PLEKHG3: variants seen among roughly 807,000 people sequenced by gnomAD.
The protein encoded by PLEKHG3 is pleckstrin homology domain-containing family G member 3.
Under a neutral mutation model 94.9 loss-of-function variants are expected in PLEKHG3, and 62 were observed. The ratio of observed to expected loss-of-function variants is 0.65; its 90% CI spans 0.53 to 0.81. The LOEUF is 0.81. Among genes scored for constraint, PLEKHG3 ranks in the 30% least tolerant of loss-of-function variants. PLEKHG3 has a pLI of 0.00. For synonymous variants in PLEKHG3, 614 were observed against 654.0 expected (o/e 0.94, Z 0.93); for missense variants, 1,461 against 1,619.3 (o/e 0.90, Z 1.68).
intron 1 of PLEKHG3, among the ~76,000 whole-genome samples, chr14:64,708,216 A>T (rs1039784955): frequency 1.3e-5 from 2 of 152,126 alleles, no homozygotes; most frequent in African/African-American, 4.8e-5. Flanking sequence ...CCCCCATCCT[A>T]CAGATAGGAT....
At position 64,738,160 on chromosome 14, in the gene PLEKHG3, T is replaced by C. The variant is rs1388467229; in HGVS notation, c.1405-582T>C. 1 of 1,293,458 alleles carries C rather than the reference T, an allele frequency of 7.7e-7. No individual in the cohort carries two copies. Among genetic ancestry groups the C allele is most frequent in the East Asian group, 5.4e-5 (1 of 18,562 alleles). The allele number at this position is 1,293,458 out of a possible 1,614,324, so 80.1% of individuals were successfully genotyped here. ...CAGGTAGCCGACTTTGCCAGCTCCC[T>C]GCTGGCCGCCCTCCACTGCTGGCAC... On this transcript the variant is annotated intron_variant, in intron 14 of 16. Transcript: ENST00000247226. This position sits in a 1 kb window ranked among gnomAD's most constrained non-coding sequence, Gnocchi z 4.8.
chr14:64,709,635 T>G (rs974492360), intron 1 of PLEKHG3, among the ~76,000 whole-genome samples: 5 of 152,066 alleles, frequency 3.3e-5, no homozygotes, highest in Non-Finnish European at 7.4e-5. Context: ...GAAGTCGATT[T>G]TACCTTGGGA....
At position 64,732,365 on chromosome 14, in the gene PLEKHG3, TA is replaced by T. The variant is rs1418541709; in HGVS notation, c.1213-61del. The T allele has an allele frequency of 2.7e-6, 4 of 1,491,408 alleles. No individual in the cohort carries two copies. The highest frequency in any genetic ancestry group is 3.7e-6 in the Non-Finnish European group (4 of 1,068,400). 92.4% of individuals were successfully genotyped at this position (1,491,408 alleles called of 1,614,324 possible). On this transcript the variant is annotated intron_variant, in intron 10 of 16. Transcript: ENST00000247226. The surrounding 1 kb of genome is among the most constrained non-coding windows in gnomAD (Gnocchi z 4.9). The stretch of plus-strand genomic sequence containing the variant: ...GTCCTCGTACAGCAACAGTGGGTCC[TA>T]TGGGCAGGGAAGGCCGGCACATGGT...
Position 64,731,140 on chromosome 14 carries a change from A to G in PLEKHG3, c.820A>G (p.Arg274Gly). 1 of 1,605,308 alleles carries G rather than the reference A, an allele frequency of 6.2e-7. No individual in the cohort carries two copies. The highest frequency in any genetic ancestry group is 8.5e-7 in the Non-Finnish European group (1 of 1,174,820). The change falls in exon 7 of 17, where the codon AGG (arginine) becomes GGG (glycine). Residue 274 changes from arginine (R) to glycine (G), a missense_variant. Around this residue, in one of 3 missense-constraint regions of PLEKHG3, gnomAD observed 1,201 missense variants for 1,295.5 expected, o/e 0.93. Coordinates refer to ENST00000247226, the MANE Select transcript of PLEKHG3 (RefSeq NM_001308147.2). The surrounding 1 kb of genome is among the most constrained non-coding windows in gnomAD (Gnocchi z 6.1). ...CVAWYINDMK[R>G]RHEHAVRLQE... The stretch of plus-strand genomic sequence containing the variant: ...GGCCTGGTACATCAACGACATGAAG[A>G]GGAGGCATGAGCACGCGGTCCGGCT...
Position 64,711,500 on chromosome 14 carries a change from G to T in PLEKHG3, c.-40+6796G>T, listed in dbSNP as rs139839325. Among the ~76,000 whole-genome samples, 713 of 151,054 alleles carry T rather than the reference G, an allele frequency of 4.7e-3. 4 individuals carry two copies. The highest frequency in any genetic ancestry group is 0.017 in the African/African-American group (681 of 41,084). On this transcript the variant is annotated intron_variant, in intron 1 of 16. Coordinates refer to ENST00000247226, the MANE Select transcript of PLEKHG3 (RefSeq NM_001308147.2). Reference sequence around the variant, plus strand: ...ATGATCTCGGCTCACTGCAAGCTCCGTCTCCCGTGTTCATGCCATTCTCCT... The same window carrying T: ...ATGATCTCGGCTCACTGCAAGCTCCTTCTCCCGTGTTCATGCCATTCTCCT...
intron 12 of PLEKHG3, among the ~76,000 whole-genome samples, chr14:64,734,694 TTCCCTCCC>T (rs1222891842): frequency 1.3e-5 from 2 of 151,144 alleles, no homozygotes; most frequent in East Asian, 1.9e-4. Context: ...AGTTATGAAA[TTCCCTCCC>T]TCCCTCCCTC....
Position 64,743,150 on chromosome 14 carries a change from G to A in PLEKHG3, c.3107G>A (p.Arg1036Gln), listed in dbSNP as rs537065523. 96 of 1,611,008 alleles carry A rather than the reference G, an allele frequency of 6.0e-5. 3 individuals are homozygous for A. The South Asian group carries it at 6.7e-4, about 11-fold the overall frequency. ...TTSPGGRPSARSPLSPTETFS... is the reference protein window; with the variant it reads ...TTSPGGRPSAQSPLSPTETFS... ...TCGCCTGGGGGCCGGCCCTCCGCCCGGAGCCCCCTCAGCCCCACAGAGACC... is the reference window on the plus strand; with the variant it reads ...TCGCCTGGGGGCCGGCCCTCCGCCCAGAGCCCCCTCAGCCCCACAGAGACC... The change falls in exon 17 of 17, where the codon CGG becomes CAG. Residue 1036 changes from arginine to glutamine, a missense_variant. Arg to Gln is a conservative substitution (Grantham distance 43). This residue lies in a region of PLEKHG3 where 1,201 missense variants were observed against 1,295.5 expected (regional missense o/e 0.93). Transcript: ENST00000247226. The surrounding 1 kb of genome is among the most constrained non-coding windows in gnomAD (Gnocchi z 7.2).
At position 64,730,972 on chromosome 14, in the gene PLEKHG3, C is replaced by A. The variant is rs145792722; in HGVS notation, c.717+23C>A. On this transcript the variant is annotated intron_variant, in intron 6 of 16. Transcript: ENST00000247226. The surrounding 1 kb of genome is among the most constrained non-coding windows in gnomAD (Gnocchi z 5.4). ...CAGGTAGCCCCTCGGTCCTCCCAAG[C>A]ACCTAGGGCCTGGGGAGGGCAGGGC... The A allele has an allele frequency of 6.2e-7, 1 of 1,613,354 alleles. No individual in the cohort carries two copies. The highest frequency in any genetic ancestry group is 8.5e-7 in the Non-Finnish European group (1 of 1,179,952).
chr14:64,721,780 T>G lies in PLEKHG3; in HGVS notation c.-39-5813T>G, dbSNP rs1320177047. Among the ~76,000 whole-genome samples the G allele has an allele frequency of 2.6e-5, 4 of 151,716 alleles. No individual in the cohort carries two copies. Among genetic ancestry groups the G allele is most frequent in the African/African-American group, 4.8e-5 (2 of 41,274 alleles). ...GCAAGGGTCCCCTAGGAGGGGGTCC[T>G]CCCCTCCCCCAGGAGAGCCCCTAGG... On this transcript the variant is annotated intron_variant, in intron 1 of 16. Transcript: ENST00000247226. This position sits in a 1 kb window ranked among gnomAD's most constrained non-coding sequence, Gnocchi z 4.3.
chr14:64,747,834 C>T lies in PLEKHG3; in HGVS notation c.*4131C>T, dbSNP rs1025890741. On this transcript the variant is annotated 3_prime_UTR_variant, in exon 17 of 17. Transcript: ENST00000247226. ...CCCACCCCCGACCCGCTTGACTGCT[C>T]TCTTGGACCTAACCCTAGTTTGATA... is the stretch of plus-strand genomic sequence containing the variant. 2 of 133,554 alleles carry T rather than the reference C, an allele frequency of 1.5e-5. No homozygotes were observed. Among genetic ancestry groups the T allele is most frequent in the African/African-American group, 5.5e-5 (2 of 36,682 alleles). 8.3% of individuals were successfully genotyped at this position (133,554 alleles called of 1,614,324 possible).
rs149733512 is a variant in PLEKHG3 at position 64,716,066 on chromosome 14, C to T, written c.-40+11362C>T. Reference sequence around the variant, plus strand: ...GGCCCCTCGCCACCCTCGTGGTGCCCGGATGGGAGCTCTCCTGAGGAAAGC... The same window carrying T: ...GGCCCCTCGCCACCCTCGTGGTGCCTGGATGGGAGCTCTCCTGAGGAAAGC... On this transcript the variant is annotated intron_variant, in intron 1 of 16. Transcript: ENST00000247226. The surrounding 1 kb of genome is among the most constrained non-coding windows in gnomAD (Gnocchi z 5.0). The T allele has an allele frequency of 2.8e-4, 130 of 456,246 alleles. No individual in the cohort carries two copies. Among genetic ancestry groups the T allele is most frequent in the Non-Finnish European group, 5.1e-4 (115 of 226,702 alleles). The allele number at this position is 456,246 out of a possible 1,614,324, so 28.3% of individuals were successfully genotyped here.
At chr14:64,707,033 C>T (rs886594795) in intron 1 of PLEKHG3, among the ~76,000 whole-genome samples, 1 of 152,206 alleles carries the variant, frequency 6.6e-6, no homozygotes, top group Admixed American at 6.5e-5. Flanking sequence ...CATCTGTGCC[C>T]CCTCCCCCAT....
chr14:64,734,633 T>C (rs1414789531), intron 12 of PLEKHG3, among the ~76,000 whole-genome samples: 1 of 152,238 alleles, frequency 6.6e-6, no homozygotes, highest in Non-Finnish European at 1.5e-5. Flanking sequence ...TTTTAGCCTG[T>C]AAATACTAAG....
rs1288250391 is a variant in PLEKHG3, at chr14:64,743,096, A to C, written c.3053A>C (p.Asn1018Thr). 1 of 1,612,814 alleles carries C rather than the reference A, an allele frequency of 6.2e-7. No homozygotes were observed. Among genetic ancestry groups the C allele is most frequent in the Admixed American group, 1.7e-5 (1 of 59,996 alleles). ...ATGTCACCACAGCGTTTCTTCTTCAACCCGTCTGCTGTCAGCCAGAGGACC... is the reference window on the plus strand; with the variant it reads ...ATGTCACCACAGCGTTTCTTCTTCACCCCGTCTGCTGTCAGCCAGAGGACC... ...GEMSPQRFFF[N>T]PSAVSQRTTS... Residue 1018 changes from asparagine (N) to threonine (T), a missense_variant, in exon 17 of 17, where the codon AAC (asparagine) becomes ACC (threonine). Coordinates refer to ENST00000247226, the MANE Select transcript of PLEKHG3 (RefSeq NM_001308147.2). This position sits in a 1 kb window ranked among gnomAD's most constrained non-coding sequence, Gnocchi z 7.2.
chr14:64,729,679 C>T (rs780758763), intron 3 of PLEKHG3, among the ~76,000 whole-genome samples: 18 of 152,136 alleles, frequency 1.2e-4, no homozygotes, highest in Non-Finnish European at 2.4e-4. Flanking sequence ...GAATCGTATC[C>T]CAGGCCCCTT....
Position 64,730,384 on chromosome 14 carries a change from A to T in PLEKHG3, c.519+72A>T. On this transcript the variant is annotated intron_variant, in intron 4 of 16. Transcript: ENST00000247226. This position sits in a 1 kb window ranked among gnomAD's most constrained non-coding sequence, Gnocchi z 5.4. Reference sequence around the variant, plus strand: ...CAGAGAGACAAGAACTGCCAGCATAAGAGGACATCTGAGTCCTGGGGATTC... The same window carrying T: ...CAGAGAGACAAGAACTGCCAGCATATGAGGACATCTGAGTCCTGGGGATTC... 5 of 1,010,836 alleles carry T rather than the reference A, an allele frequency of 4.9e-6. No individual in the cohort carries two copies. Among genetic ancestry groups the T allele is most frequent in the Non-Finnish European group, 7.5e-6 (5 of 667,324 alleles). 62.6% of individuals were successfully genotyped at this position (1,010,836 alleles called of 1,614,324 possible).
In PLEKHG3 at chr14:64,732,213, G is replaced by A. The variant is rs748402682; in HGVS notation, c.1212+32G>A. 1.9e-6 allele frequency: 3 copies of A among 1,576,954 alleles called. No homozygotes were observed. The highest frequency in any genetic ancestry group is 3.3e-4 in the Middle Eastern group (2 of 6,010). ...TCCCCCAGCTCCTGACTGTGTGCAA[G>A]GAGAATGTGCTCCTCTGAGCCAGCT... On this transcript the variant is annotated intron_variant, in intron 10 of 16. Coordinates refer to ENST00000247226, the MANE Select transcript of PLEKHG3 (RefSeq NM_001308147.2). The surrounding 1 kb of genome is among the most constrained non-coding windows in gnomAD (Gnocchi z 4.9).
Position 64,732,911 on chromosome 14 carries a change from G to C in PLEKHG3, c.1345+10G>C, listed in dbSNP as rs1319481438. Reference sequence around the variant, plus strand: ...GGGCGCCGGCAATCTGGTAAGAGAAGGGCTGTGGAGGCAGGAGGCCTCTCC... The same window carrying C: ...GGGCGCCGGCAATCTGGTAAGAGAACGGCTGTGGAGGCAGGAGGCCTCTCC... On this transcript the variant is annotated intron_variant, in intron 12 of 16. Coordinates refer to ENST00000247226, the MANE Select transcript of PLEKHG3 (RefSeq NM_001308147.2). The surrounding 1 kb of genome is among the most constrained non-coding windows in gnomAD (Gnocchi z 4.9). 4.5e-6 allele frequency: 7 copies of C among 1,549,532 alleles called. No homozygotes were observed. The highest frequency in any genetic ancestry group is 3.5e-5 in the South Asian group (3 of 86,620).
In PLEKHG3 at chr14:64,738,040, C is replaced by T. The variant is rs1329786167; in HGVS notation, c.1404+665C>T. The T allele has an allele frequency of 7.7e-7, 1 of 1,292,022 alleles. No homozygotes were observed. Among genetic ancestry groups the T allele is most frequent in the Non-Finnish European group, 1.0e-6 (1 of 990,848 alleles). 80.0% of individuals were successfully genotyped at this position (1,292,022 alleles called of 1,614,324 possible). A position where few individuals can be genotyped will look rare whatever the true frequency, so the allele number is the denominator to read the frequency against. ...TTTCAGGTCTCTCTGGAGGACCTGACAGGGCATGAAGGCAACGAGAAGGGG... is the reference window on the plus strand; with the variant it reads ...TTTCAGGTCTCTCTGGAGGACCTGATAGGGCATGAAGGCAACGAGAAGGGG... On this transcript the variant is annotated intron_variant, in intron 14 of 16. Transcript: ENST00000247226. The surrounding 1 kb of genome is among the most constrained non-coding windows in gnomAD (Gnocchi z 4.8).
Sources: gnomAD v4.1 joint callset for allele counts (sites outside exome capture counted in the v4.1 genomes callset) on GRCh38, gnomAD v4.1.1 for gene constraint, gnomAD v4.1.1 regional missense constraint, Gnocchi (gnomAD v3.1) non-coding constraint, MANE v1.5 for transcripts, NCBI Gene and HGNC (gene_info 2026-07-23, HGNC 2026-07-21) for gene names.